KLRG1: variants seen among roughly 807,000 people sequenced by gnomAD.
KLRG1 encodes the protein killer cell lectin like receptor G1, also known as killer cell lectin-like receptor subfamily G member 1.
In KLRG1, 16 loss-of-function variants were observed where a neutral mutation model predicts 21.8. That is an observed-to-expected ratio of 0.73 (90% confidence interval 0.50 to 1.11). The LOEUF (loss-of-function observed/expected upper bound fraction) is 1.11, where lower values mean the gene tolerates loss of function less well. Among genes scored for constraint, KLRG1 ranks in the 50% most tolerant of loss-of-function variants. KLRG1 has a pLI of 0.00. For synonymous variants in KLRG1, 69 were observed against 75.9 expected (o/e 0.91, Z 0.47); for missense variants, 173 against 218.3 (o/e 0.79, Z 1.31).
chr12:9,012,248 A>G (rs1384729342), downstream of KLRG1, among the ~76,000 whole-genome samples: 1 of 152,174 alleles, frequency 6.6e-6, no homozygotes, highest in Non-Finnish European at 1.5e-5. Flanking sequence ...ATGGAAGAGT[A>G]AAGAGGACTT....
chr12:9,105,556 T>C, the KLRG1 span, among the ~76,000 whole-genome samples: 3 of 152,314 alleles, frequency 2.0e-5, no homozygotes, highest in South Asian at 2.1e-4. Context: ...TTGAGGCACA[T>C]GTAACTGTGA....
the KLRG1 span, chr12:9,072,582 G>C: frequency 1.9e-6 from 3 of 1,599,764 alleles, no homozygotes; most frequent in South Asian, 3.3e-5. Flanking sequence ...ATTGTTTTCT[G>C]AGTTAGGACT....
At chr12:9,104,855 A>C in the KLRG1 span, among the ~76,000 whole-genome samples, 1 of 152,158 alleles carries the variant, frequency 6.6e-6, no homozygotes, top group Non-Finnish European at 1.5e-5. Flanking sequence ...TTTGGAGTGG[A>C]CCATTAACTT....
At chr12:9,157,287 A>C in the KLRG1 span, 3 of 1,613,976 alleles carry the variant, frequency 1.9e-6, no homozygotes, top group Admixed American at 5.0e-5. Context: ...CATGGCTCCC[A>C]TGGGTCCCCT....
the KLRG1 span, among the ~76,000 whole-genome samples, chr12:9,030,440 A>G: frequency 6.6e-6 from 1 of 151,676 alleles, no homozygotes; most frequent in Non-Finnish European, 1.5e-5. Context: ...GGAGTCTCGC[A>G]CTGTTGCCCG....
chr12:9,212,332 T>G, the KLRG1 span, among the ~76,000 whole-genome samples: 2 of 152,190 alleles, frequency 1.3e-5, no homozygotes, highest in Admixed American at 1.3e-4. Context: ...CCAGGGCACT[T>G]GTGAGCATTT....
chr12:9,196,427 G>C, the KLRG1 span: 2 of 1,612,112 alleles, frequency 1.2e-6, no homozygotes, highest in Non-Finnish European at 1.7e-6. Context: ...CCTGTTTGCA[G>C]TGACTTCCAG....
At chr12:9,013,986 C>T (rs968386101), downstream of KLRG1, among the ~76,000 whole-genome samples, 2 of 152,132 alleles carry the variant, frequency 1.3e-5, no homozygotes, top group African/African-American at 4.8e-5. Context: ...AAGAATGCAT[C>T]AGAGTCTCTC....
At chr12:8,979,135 C>T (rs977784479) in intron 1 of KLRG1, among the ~76,000 whole-genome samples, 3 of 151,882 alleles carry the variant, frequency 2.0e-5, no homozygotes, top group Non-Finnish European at 4.4e-5. Context: ...CTGCCTCAGC[C>T]TCCTGAGTAG....
At position 9,009,035 on chromosome 12, in the gene KLRG1, G is replaced by T. The variant is rs368682969; in HGVS notation, c.418G>T (p.Gly140Cys). The T allele has an allele frequency of 1.7e-5, 27 of 1,613,762 alleles. No individual in the cohort carries two copies. The highest frequency in any genetic ancestry group is 2.3e-5 in the Non-Finnish European group (27 of 1,179,924). Residue 140 changes from glycine to cysteine, a missense_variant, in exon 4 of 5, where the codon GGC becomes TGC. Physicochemically the swap from Gly to Cys is radical, Grantham distance 159. Coordinates refer to ENST00000356986, the MANE Select transcript of KLRG1 (RefSeq NM_005810.4). ...FCWIGLRNNS[G>C]WRWEDGSPLN... ...CTGGATTGGTCTGAGGAACAATTCTGGCTGGAGGTGGGAAGATGGATCACC... is the reference window on the plus strand; with the variant it reads ...CTGGATTGGTCTGAGGAACAATTCTTGCTGGAGGTGGGAAGATGGATCACC...
chr12:9,000,903 A>G (rs908114812), intron 3 of KLRG1, among the ~76,000 whole-genome samples: 2 of 152,326 alleles, frequency 1.3e-5, no homozygotes, highest in South Asian at 2.1e-4. Flanking sequence ...AGCAGGGCTT[A>G]CTGACTTTTA....
At chr12:9,175,825 G>A in the KLRG1 span, among the ~76,000 whole-genome samples, 90,286 of 151,342 alleles carry the variant, frequency 0.6, 27,753 homozygotes, top group East Asian at 0.83. Flanking sequence ...TGATGAGGTT[G>A]CAGAGAAAAA....
chr12:9,186,689 A>C, the KLRG1 span, among the ~76,000 whole-genome samples: 1 of 152,308 alleles, frequency 6.6e-6, no homozygotes, highest in South Asian at 2.1e-4. Context: ...GGATGAGTTC[A>C]TGTCCTTTCC....
the KLRG1 span, chr12:9,162,630 C>T: frequency 3.8e-6 from 6 of 1,595,438 alleles, no homozygotes; most frequent in Admixed American, 1.0e-4. Context: ...AAAGTCTTTT[C>T]TTGCTCAATA....
At chr12:9,053,206 AC>A in the KLRG1 span, among the ~76,000 whole-genome samples, 1 of 134,426 alleles carries the variant, frequency 7.4e-6, no homozygotes, top group Non-Finnish European at 1.7e-5. Flanking sequence ...TGTGCCTGCG[AC>A]GGGGTGTCCT....
At chr12:9,087,126 A>G in the KLRG1 span, among the ~76,000 whole-genome samples, 9 of 119,122 alleles carry the variant, frequency 7.6e-5, no homozygotes, top group Admixed American at 6.6e-4. Flanking sequence ...ATCAAAGAGA[A>G]CACAAATAAA....
At chr12:9,142,464 C>A in the KLRG1 span, among the ~76,000 whole-genome samples, 1 of 152,318 alleles carries the variant, frequency 6.6e-6, no homozygotes, top group Non-Finnish European at 1.5e-5. Flanking sequence ...GCTGGCAACT[C>A]TTAAAACATT....
chr12:9,079,405 C>T, the KLRG1 span: 1 of 1,429,356 alleles, frequency 7.0e-7, no homozygotes, highest in Non-Finnish European at 9.8e-7. Flanking sequence ...ACTAAAAGTA[C>T]CTTGGCTTCT....
At chr12:9,186,603 C>A in the KLRG1 span, among the ~76,000 whole-genome samples, 85,122 of 151,536 alleles carry the variant, frequency 0.56, 23,902 homozygotes, top group Admixed American at 0.64. Flanking sequence ...GGGGTTGCCA[C>A]ATGCCCATCA....
Sources: allele counts gnomAD v4.1 joint callset (sites outside exome capture counted in the v4.1 genomes callset), GRCh38; gene constraint gnomAD v4.1.1; transcripts MANE v1.5; gene names NCBI Gene and HGNC (gene_info 2026-07-23, HGNC 2026-07-21).